The following BBX variants were observed in gnomAD, a reference collection of about 807,000 sequenced individuals.
The protein encoded by BBX is BBX high mobility group box domain containing, also known as HMG box transcription factor BBX.
In BBX, 30 loss-of-function variants were observed where a neutral mutation model predicts 100.2. The ratio of observed to expected loss-of-function variants is 0.30; its 90% CI spans 0.22 to 0.41. The LOEUF (loss-of-function observed/expected upper bound fraction) is 0.41. Among genes scored for constraint, BBX ranks in the 10% least tolerant of loss-of-function variants. The pLI is 1.00. For missense variants in BBX, 1,023 were observed against 1,129.8 expected (o/e 0.91, Z 1.35); for synonymous variants, 376 against 388.1 (o/e 0.97, Z 0.37).
intron 2 of BBX, among the ~76,000 whole-genome samples, chr3:107,568,210 G>A (rs1020374968): frequency 3.3e-5 from 5 of 150,932 alleles, no homozygotes; most frequent in African/African-American, 7.3e-5. Context: ...TCCTTTCAAT[G>A]TGGAGGCTGT....
At chr3:107,664,073 G>A (rs1003747191) in intron 3 of BBX, among the ~76,000 whole-genome samples, 1 of 152,046 alleles carries the variant, frequency 6.6e-6, no homozygotes, top group African/African-American at 2.4e-5. Context: ...CCAAAATGCT[G>A]GGCTTACAAG....
chr3:107,524,523 G>A (rs977975147), intron 1 of BBX: 2 of 144,496 alleles, frequency 1.4e-5, no homozygotes, highest in Non-Finnish European at 3.0e-5. Context: ...TCTGGAACAC[G>A]TTTATGTGTG....
Position 107,772,984 on chromosome 3 carries a change from T to A in BBX, c.1263T>A (p.Asp421Glu), listed in dbSNP as rs146123837. 11 of 1,613,874 alleles carry A rather than the reference T, an allele frequency of 6.8e-6. No individual in the cohort carries two copies. In the African/African-American group the frequency reaches 1.2e-4, roughly 18 times the overall value. The change falls in exon 11 of 18, where the codon GAT (aspartate) becomes GAA (glutamate). Residue 421 changes from aspartate (D) to glutamate (E), a missense_variant. Coordinates refer to ENST00000325805, the MANE Select transcript of BBX (RefSeq NM_001142568.3). ...YSASSKIIISDVPSRKDHMCH... is the reference protein window; with the variant it reads ...YSASSKIIISEVPSRKDHMCH... ...CCAGTAGCAAGATAATAATTAGTGATGTTCCCAGTAGAAAGGATCATATGT... is the reference window on the plus strand; with the variant it reads ...CCAGTAGCAAGATAATAATTAGTGAAGTTCCCAGTAGAAAGGATCATATGT...
At chr3:107,795,595 G>A (rs1238499063) in intron 15 of BBX, among the ~76,000 whole-genome samples, 1 of 144,232 alleles carries the variant, frequency 6.9e-6, no homozygotes, top group African/African-American at 2.6e-5. Context: ...GGGAACTTAT[G>A]AGAACCTCCG....
intron 3 of BBX, among the ~76,000 whole-genome samples, chr3:107,683,196 AT>A (rs1296542232): frequency 6.6e-6 from 1 of 152,038 alleles, no homozygotes; most frequent in Non-Finnish European, 1.5e-5. Flanking sequence ...AATGGAAAAT[AT>A]TTTTATTGAT....
chr3:107,663,870 A>G (rs1230631218), intron 3 of BBX, among the ~76,000 whole-genome samples: 6 of 147,088 alleles, frequency 4.1e-5, no homozygotes, highest in Non-Finnish European at 8.9e-5. Context: ...CAGTGATGCC[A>G]TCTCGGCTCA....
At chr3:107,746,437 T>A (rs947654278) in intron 8 of BBX, among the ~76,000 whole-genome samples, 3 of 152,186 alleles carry the variant, frequency 2.0e-5, no homozygotes, top group African/African-American at 7.2e-5. Context: ...CTTGGTTAGA[T>A]CTTACAATGG....
intron 2 of BBX, among the ~76,000 whole-genome samples, chr3:107,554,843 C>A (rs1392397391): frequency 1.3e-5 from 2 of 152,004 alleles, no homozygotes; most frequent in East Asian, 3.9e-4. Context: ...CTGAGGCGGG[C>A]AGATCACTTG....
Position 107,773,198 on chromosome 3 carries a change from G to A in BBX, c.1477G>A (p.Val493Ile), listed in dbSNP as rs762313568. 5.6e-6 allele frequency: 9 copies of A among 1,613,962 alleles called. No individual in the cohort carries two copies. The highest frequency in any genetic ancestry group is 1.6e-4 in the Middle Eastern group (1 of 6,084). Residue 493 changes from valine to isoleucine, a missense_variant, in exon 11 of 18, where the codon GTC becomes ATC. Transcript: ENST00000325805. This position sits in a 1 kb window ranked among gnomAD's most constrained non-coding sequence, Gnocchi z 4.1. The stretch of plus-strand genomic sequence containing the variant: ...GAGCGTCATATATACCATTGAAGCC[G>A]TCGCAAAAGGAGACTGGGGCATAGA... ...IESVIYTIEA[V>I]AKGDWGIEKL...
Position 107,702,758 on chromosome 3 carries a change from C to T in BBX, c.-9-7694C>T, listed in dbSNP as rs188133803. Among the ~76,000 whole-genome samples the T allele has an allele frequency of 2.0e-3, 307 of 152,264 alleles. 1 individual carries two copies. The highest frequency in any genetic ancestry group is 7.1e-3 in the African/African-American group (294 of 41,566). On this transcript the variant is annotated intron_variant, in intron 3 of 17. Transcript: ENST00000325805. Reference sequence around the variant, plus strand: ...AGTGTTGCAGTGATCAAAAAAGGTGCTCAGAAAGGAGAGAGACATGAGCTG... The same window carrying T: ...AGTGTTGCAGTGATCAAAAAAGGTGTTCAGAAAGGAGAGAGACATGAGCTG...
At chr3:107,589,852 A>G (rs1410857280) in intron 2 of BBX, among the ~76,000 whole-genome samples, 1 of 152,196 alleles carries the variant, frequency 6.6e-6, no homozygotes, top group Non-Finnish European at 1.5e-5. Context: ...GCAAAACAAA[A>G]TTTGTTTTAA....
intron 2 of BBX, among the ~76,000 whole-genome samples, chr3:107,571,665 C>G (rs1241698238): frequency 3.3e-5 from 5 of 152,240 alleles, no homozygotes; most frequent in African/African-American, 1.2e-4. Context: ...GGACAGGGGA[C>G]TGGTCTCCCG....
At chr3:107,740,479 C>T (rs1276773900) in intron 7 of BBX, among the ~76,000 whole-genome samples, 1 of 152,056 alleles carries the variant, frequency 6.6e-6, no homozygotes, top group Non-Finnish European at 1.5e-5. Flanking sequence ...TAATTAGCCT[C>T]CTGCCTCCAG....
At position 107,533,822 on chromosome 3, in the gene BBX, AT is replaced by A. The variant is rs371543683; in HGVS notation, c.-84+7433del. Among the ~76,000 whole-genome samples, 500 of 151,202 alleles carry A rather than the reference AT, an allele frequency of 3.3e-3. 5 individuals carry two copies. Among genetic ancestry groups the A allele is most frequent in the African/African-American group, 0.011 (466 of 41,256 alleles). On this transcript the variant is annotated intron_variant, in intron 2 of 17. Coordinates refer to ENST00000325805, the MANE Select transcript of BBX (RefSeq NM_001142568.3). Reference sequence around the variant, plus strand: ...TCCTTTATTATACTGCTACCTGCACATTTTTTTTTCCATCTATCAGGAAAAT... The same window carrying A: ...TCCTTTATTATACTGCTACCTGCACATTTTTTTTCCATCTATCAGGAAAAT...
At chr3:107,677,078 A>G (rs561980037) in intron 3 of BBX, among the ~76,000 whole-genome samples, 9 of 152,110 alleles carry the variant, frequency 5.9e-5, no homozygotes, top group Non-Finnish European at 1.0e-4. Context: ...TCATTTTGTC[A>G]TACTGCCCAC....
At chr3:107,659,491 G>A (rs2058330891) in intron 3 of BBX, 1 of 186,416 alleles carries the variant, frequency 5.4e-6, no homozygotes, top group Non-Finnish European at 1.1e-5. Context: ...GCATACACCT[G>A]TGTAACCCAA....
chr3:107,535,593 CTTT>C (rs11298693), intron 2 of BBX, among the ~76,000 whole-genome samples: 30 of 132,826 alleles, frequency 2.3e-4, no homozygotes, highest in African/African-American at 5.1e-4. Flanking sequence ...TGCTCTGTTC[CTTT>C]TTTTTTTTTT....
At chr3:107,541,219 C>T (rs1346370076) in intron 2 of BBX, among the ~76,000 whole-genome samples, 1 of 152,156 alleles carries the variant, frequency 6.6e-6, no homozygotes, top group Admixed American at 6.5e-5. Context: ...GTGTCTTGAC[C>T]TAGGATATTG....
intron 2 of BBX, among the ~76,000 whole-genome samples, chr3:107,575,222 G>A (rs896571875): frequency 1.3e-5 from 2 of 152,058 alleles, no homozygotes; most frequent in Admixed American, 6.5e-5. Flanking sequence ...ATCCTCCACC[G>A]TCCTCCCCTT....
Sources: allele counts gnomAD v4.1 joint callset (sites outside exome capture counted in the v4.1 genomes callset), GRCh38; gene constraint gnomAD v4.1.1; non-coding constraint Gnocchi (gnomAD v3.1); transcripts MANE v1.5; gene names NCBI Gene and HGNC (gene_info 2026-07-23, HGNC 2026-07-21).